The following LRRC20 variants were observed in gnomAD, a reference collection of about 807,000 sequenced individuals.
LRRC20 encodes leucine-rich repeat-containing protein 20.
Under a neutral mutation model 14.4 loss-of-function variants are expected in LRRC20, and 11 were observed. The observed-to-expected ratio is 0.77, with a 90% CI of 0.48 to 1.27. LRRC20 has a LOEUF of 1.27. LRRC20 is among the 50% of genes most tolerant of loss of function. The probability of loss-of-function intolerance (pLI) is 0.00; values close to 1 mark genes in which losing one functional copy is unlikely to be tolerated. For missense variants in LRRC20, 219 were observed against 251.2 expected (o/e 0.87, Z 0.87); for synonymous variants, 121 against 107.3 (o/e 1.13, Z -0.79).
intron 2 of LRRC20, among the ~76,000 whole-genome samples, chr10:70,349,747 A>G (rs1464197490): frequency 6.6e-6 from 1 of 151,340 alleles, no homozygotes; most frequent in Non-Finnish European, 1.5e-5. Flanking sequence ...TAAATTGTCC[A>G]TGGTCATTGT....
At chr10:70,362,631 C>A (rs2137110635) in intron 2 of LRRC20, among the ~76,000 whole-genome samples, 2 of 152,374 alleles carry the variant, frequency 1.3e-5, no homozygotes, top group South Asian at 4.1e-4. Flanking sequence ...CCTCACCCAG[C>A]TTCACTTGGC....
intron 3 of LRRC20, among the ~76,000 whole-genome samples, chr10:70,340,155 C>A (rs1247768189): frequency 2.6e-5 from 4 of 152,022 alleles, no homozygotes; most frequent in Non-Finnish European, 5.9e-5. Context: ...GCCAACATCC[C>A]TGGCATCTGT....
chr10:70,303,231 T>C (rs904356870), intron 4 of LRRC20, among the ~76,000 whole-genome samples: 7 of 152,226 alleles, frequency 4.6e-5, no homozygotes, highest in African/African-American at 1.4e-4. Flanking sequence ...CAGTGGCCTA[T>C]GGAAATTCTT....
At chr10:70,362,968 A>G (rs951888477) in intron 2 of LRRC20, among the ~76,000 whole-genome samples, 1 of 152,016 alleles carries the variant, frequency 6.6e-6, no homozygotes. Context: ...TGTCCTTATG[A>G]AAGAGACCCC....
At chr10:70,378,044 A>G (rs891515014) in intron 1 of LRRC20, among the ~76,000 whole-genome samples, 2 of 110 alleles carry the variant, frequency 0.018, no homozygotes, top group Admixed American at 0.05. Context: ...TAATATGAGG[A>G]TTGAGAGCAC....
chr10:70,313,976 C>T (rs1429074889), intron 4 of LRRC20, among the ~76,000 whole-genome samples: 1 of 152,148 alleles, frequency 6.6e-6, no homozygotes, highest in Non-Finnish European at 1.5e-5. Flanking sequence ...GACTCACAAT[C>T]ATGGCAGAAG....
chr10:70,300,501 A>C lies in LRRC20; in HGVS notation c.*853T>G. 1 of 985,464 alleles carries C rather than the reference A, an allele frequency of 1.0e-6. No homozygotes were observed. The highest frequency in any genetic ancestry group is 1.2e-6 in the Non-Finnish European group (1 of 830,010). The allele number at this position is 985,464 out of a possible 1,614,324, so 61.0% of individuals were successfully genotyped here. A position where few individuals can be genotyped will look rare whatever the true frequency, so the allele number is the denominator to read the frequency against. On this transcript the variant is annotated 3_prime_UTR_variant, in exon 5 of 5. Coordinates refer to ENST00000446961, the MANE Select transcript of LRRC20 (RefSeq NM_001278212.2). ...GACAAGGCAGCCAGGCTGCTGCTGG[A>C]CTGGACAGTGGTGAGGGTGGCCATC...
chr10:70,307,350 C>T (rs747093121), intron 4 of LRRC20, among the ~76,000 whole-genome samples: 3 of 152,326 alleles, frequency 2.0e-5, no homozygotes, highest in Non-Finnish European at 4.4e-5. Context: ...TGGATATATG[C>T]CCAGGAGCAA....
chr10:70,373,993 C>T (rs1313063556), intron 2 of LRRC20, among the ~76,000 whole-genome samples: 2 of 152,210 alleles, frequency 1.3e-5, no homozygotes, highest in Non-Finnish European at 1.5e-5. Flanking sequence ...GAAATGCCCA[C>T]CTGTCCACTG....
chr10:70,359,589 AAGCCT>A (rs1468969916), intron 2 of LRRC20, among the ~76,000 whole-genome samples: 1 of 152,116 alleles, frequency 6.6e-6, no homozygotes, highest in Non-Finnish European at 1.5e-5. Flanking sequence ...CCACTGTCCA[AAGCCT>A]AGCATCCACA....
chr10:70,375,914 GC>G (rs1844491861), intron 2 of LRRC20, among the ~76,000 whole-genome samples: 1 of 152,154 alleles, frequency 6.6e-6, no homozygotes, highest in Non-Finnish European at 1.5e-5. Flanking sequence ...GGAATAAAAT[GC>G]CCTGGCCAAT....
intron 2 of LRRC20, among the ~76,000 whole-genome samples, chr10:70,367,542 C>T (rs145409879): frequency 1.3e-3 from 200 of 152,116 alleles, no homozygotes; most frequent in African/African-American, 4.0e-3. Flanking sequence ...CTACTGATTC[C>T]CACCAAACAT....
At chr10:70,332,097 T>TTG (rs1842561095) in intron 3 of LRRC20, among the ~76,000 whole-genome samples, 1 of 152,256 alleles carries the variant, frequency 6.6e-6, no homozygotes, top group East Asian at 1.9e-4. Flanking sequence ...CAATGAGCAA[T>TTG]CACAGTCCCT....
At chr10:70,318,757 GAA>G (rs112104535) in intron 4 of LRRC20, among the ~76,000 whole-genome samples, 68,257 of 148,666 alleles carry the variant, frequency 0.46, 16,461 homozygotes, top group Middle Eastern at 0.58. Flanking sequence ...CCATCTCAAA[GAA>G]AAAAAAAAAA....
chr10:70,319,976 C>A (rs1254687843), intron 4 of LRRC20, among the ~76,000 whole-genome samples: 1 of 152,162 alleles, frequency 6.6e-6, no homozygotes, highest in Non-Finnish European at 1.5e-5. Context: ...GGGAGAAGCC[C>A]CTTGACCCAC....
At chr10:70,382,413 G>A (rs1245406388) in intron 1 of LRRC20, 136 bp downstream of exon 1, 1 of 152,418 alleles carries the variant, frequency 6.6e-6, no homozygotes, top group African/African-American at 2.4e-5. Context: ...TGGGGGAGGG[G>A]AGGGGACGCT....
chr10:70,372,411 C>T (rs959852167), intron 2 of LRRC20, among the ~76,000 whole-genome samples: 2 of 150,804 alleles, frequency 1.3e-5, no homozygotes, highest in South Asian at 2.1e-4. Context: ...TTCCAGTTCA[C>T]GTTATATATG....
At chr10:70,322,989 C>T (rs1441770123) in intron 4 of LRRC20, among the ~76,000 whole-genome samples, 1 of 151,834 alleles carries the variant, frequency 6.6e-6, no homozygotes. Flanking sequence ...CCTCATGTTG[C>T]TTTTAATCAA....
chr10:70,340,120 C>CA (rs1172436748), intron 3 of LRRC20, among the ~76,000 whole-genome samples: 2,610 of 125,052 alleles, frequency 0.021, 81 homozygotes, highest in African/African-American at 0.063. Flanking sequence ...GATTCCATCT[C>CA]AAAAAAAAAA....
Sources: allele counts gnomAD v4.1 joint callset (sites outside exome capture counted in the v4.1 genomes callset), GRCh38; gene constraint gnomAD v4.1.1; transcripts MANE v1.5; gene names NCBI Gene and HGNC (gene_info 2026-07-23, HGNC 2026-07-21).